GALNT17: variants seen among roughly 807,000 people sequenced by gnomAD.
GALNT17 encodes the protein UDP-GalNAc:polypeptide N-acetylgalactosaminyltransferase-like 3.
GALNT17 carries 29 observed loss-of-function variants against 63.7 expected under a neutral mutation model. The observed-to-expected ratio is 0.46, with a 90% confidence interval of 0.34 to 0.62. GALNT17 has a LOEUF of 0.62. Ranked by LOEUF, GALNT17 falls within the 20% of genes least tolerant of loss-of-function variation. The pLI is 0.01. For missense variants in GALNT17, 603 were observed against 799.6 expected, an observed-to-expected ratio of 0.75 and a Z score of 2.97; for synonymous variants, 305 against 318.3, an observed-to-expected ratio of 0.96 and a Z score of 0.45.
At chr7:71,451,302 C>T (rs1200550073) in intron 5 of GALNT17, among the ~76,000 whole-genome samples, 2 of 152,174 alleles carry the variant, frequency 1.3e-5, no homozygotes, top group Admixed American at 1.3e-4. Context: ...GATAGTCATT[C>T]TCGACAGCCT....
chr7:71,670,128 G>A lies in GALNT17; in HGVS notation c.1404+19G>A. On this transcript the variant is annotated intron_variant, in intron 8 of 10. Coordinates refer to ENST00000333538, the MANE Select transcript of GALNT17 (RefSeq NM_022479.3). ...CGGGGAGGTAATTCAGACCGTGCAT[G>A]CTTTTGGCTTGGAATGCTGTTCAAT... is the stretch of plus-strand genomic sequence containing the variant. The A allele has an allele frequency of 6.2e-7, 1 of 1,613,866 alleles. No individual in the cohort carries two copies. Among genetic ancestry groups the A allele is most frequent in the Non-Finnish European group, 8.5e-7 (1 of 1,179,872 alleles).
chr7:71,563,149 A>G (rs531447664), intron 5 of GALNT17, among the ~76,000 whole-genome samples: 9 of 152,350 alleles, frequency 5.9e-5, no homozygotes, highest in South Asian at 4.1e-4. Context: ...TGGAGCTATT[A>G]GGCTTTGGCA....
intron 6 of GALNT17, among the ~76,000 whole-genome samples, chr7:71,572,521 A>AAAAC (rs1233296544): frequency 6.7e-6 from 1 of 148,862 alleles, no homozygotes; most frequent in African/African-American, 2.5e-5. Flanking sequence ...AAAAAAAAAA[A>AAAAC]AAAAAAAAAC....
chr7:71,674,718 T>C (rs1009881991), intron 8 of GALNT17, among the ~76,000 whole-genome samples: 5 of 152,152 alleles, frequency 3.3e-5, no homozygotes, highest in Admixed American at 1.3e-4. Flanking sequence ...GGTCTCACTA[T>C]GTTGCCCAGG....
intron 5 of GALNT17, among the ~76,000 whole-genome samples, chr7:71,535,297 AT>A (rs1428667118): frequency 1.3e-5 from 2 of 151,948 alleles, no homozygotes; most frequent in African/African-American, 2.4e-5. Flanking sequence ...GAGAAATTTT[AT>A]TTTCTTCTGC....
chr7:71,402,310 C>A (rs1793255188), intron 3 of GALNT17, among the ~76,000 whole-genome samples: 1 of 152,230 alleles, frequency 6.6e-6, no homozygotes, highest in Non-Finnish European at 1.5e-5. Flanking sequence ...ATTTATCTGC[C>A]TATCTCTAAG....
chr7:71,494,868 A>T (rs115712242), intron 5 of GALNT17, among the ~76,000 whole-genome samples: 1 of 151,908 alleles, frequency 6.6e-6, no homozygotes, highest in South Asian at 2.1e-4. Flanking sequence ...GTGCGGGGGA[A>T]CTCCCGTTTA....
At chr7:71,688,207 T>C (rs1791390202) in intron 9 of GALNT17, among the ~76,000 whole-genome samples, 2 of 152,184 alleles carry the variant, frequency 1.3e-5, no homozygotes, top group Admixed American at 6.5e-5. Flanking sequence ...ACTTATAAAT[T>C]CGTCTTACCT....
intron 1 of GALNT17, among the ~76,000 whole-genome samples, chr7:71,178,241 C>G (rs1788673364): frequency 6.6e-6 from 1 of 152,106 alleles, no homozygotes; most frequent in South Asian, 2.1e-4. Flanking sequence ...ATTCTGTAGT[C>G]TTTTGGTCTC....
intron 5 of GALNT17, among the ~76,000 whole-genome samples, chr7:71,523,210 A>G (rs568153628): frequency 9.2e-5 from 14 of 152,272 alleles, no homozygotes; most frequent in African/African-American, 3.1e-4. Flanking sequence ...AGAATAGTTG[A>G]GGCCAAGAAT....
rs183341110 is a variant in GALNT17 at position 71,534,396 on chromosome 7, G to A, written c.963-36889G>A. Among the ~76,000 whole-genome samples the A allele has an allele frequency of 3.0e-3, 459 of 152,068 alleles. 1 individual carries two copies. The highest frequency in any genetic ancestry group is 5.1e-3 in the Non-Finnish European group (349 of 67,964). On this transcript the variant is annotated intron_variant, in intron 5 of 10. Transcript: ENST00000333538. Reference sequence around the variant, plus strand: ...GGGCAGATCACGAGGTCAGGAGATCGAGACCATCCTGGCCAACAAGGTGAA... The same window carrying A: ...GGGCAGATCACGAGGTCAGGAGATCAAGACCATCCTGGCCAACAAGGTGAA...
chr7:71,275,059 T>C (rs1013852218), intron 1 of GALNT17, among the ~76,000 whole-genome samples: 5 of 152,068 alleles, frequency 3.3e-5, no homozygotes, highest in African/African-American at 1.2e-4. Flanking sequence ...CTTGAACAAA[T>C]CTACTGAGTG....
chr7:71,366,133 A>T (rs191016008), intron 2 of GALNT17, among the ~76,000 whole-genome samples: 1 of 152,246 alleles, frequency 6.6e-6, no homozygotes, highest in African/African-American at 2.4e-5. Context: ...TCAGGTGGTC[A>T]CGTGAGTAGA....
At chr7:71,146,874 C>T (rs962746222) in intron 1 of GALNT17, among the ~76,000 whole-genome samples, 1 of 152,172 alleles carries the variant, frequency 6.6e-6, no homozygotes, top group Non-Finnish European at 1.5e-5. Context: ...CACCAACACA[C>T]GAGCGTGCTG....
intron 1 of GALNT17, among the ~76,000 whole-genome samples, chr7:71,224,348 A>G (rs1481174990): frequency 6.6e-6 from 1 of 152,184 alleles, no homozygotes; most frequent in African/African-American, 2.4e-5. Flanking sequence ...GCCTCAATAC[A>G]TTCTTCCTAA....
chr7:71,359,834 TG>T (rs562999660), intron 2 of GALNT17, among the ~76,000 whole-genome samples: 151 of 152,282 alleles, frequency 9.9e-4, no homozygotes, highest in Non-Finnish European at 1.9e-3. Flanking sequence ...TCCACCTGCC[TG>T]AAATGAACGA....
At chr7:71,445,702 C>T (rs1787149987) in intron 5 of GALNT17, among the ~76,000 whole-genome samples, 1 of 152,190 alleles carries the variant, frequency 6.6e-6, no homozygotes, top group South Asian at 2.1e-4. Context: ...AGACTGGAGA[C>T]TGTCCCTTTC....
intron 5 of GALNT17, among the ~76,000 whole-genome samples, chr7:71,546,894 T>C (rs1192629315): frequency 2.0e-5 from 3 of 152,150 alleles, no homozygotes; most frequent in African/African-American, 7.2e-5. Context: ...CTTTTATGGG[T>C]CCACTTACCC....
At chr7:71,395,620 G>C (rs1793124704) in intron 3 of GALNT17, among the ~76,000 whole-genome samples, 1 of 152,106 alleles carries the variant, frequency 6.6e-6, no homozygotes, top group Non-Finnish European at 1.5e-5. Flanking sequence ...GAATTGCTGG[G>C]TTATGTGATA....
Sources: allele counts gnomAD v4.1 joint callset (sites outside exome capture counted in the v4.1 genomes callset), GRCh38; gene constraint gnomAD v4.1.1; transcripts MANE v1.5; gene names NCBI Gene and HGNC (gene_info 2026-07-23, HGNC 2026-07-21).